The following MAGEB2 variants were observed in gnomAD, a reference collection of about 807,000 sequenced individuals.
The protein encoded by MAGEB2 is melanoma-associated antigen B2.
For missense variants in MAGEB2, 365 were observed against 243.2 expected (o/e 1.50, Z -3.33); for synonymous variants, 107 against 96.2 (o/e 1.11, Z -0.66).
rs767747644 is a variant in MAGEB2, at chrX:30,219,251, G to A, written c.671G>A (p.Trp224Ter). 24 of 1,209,530 alleles carry A rather than the reference G, an allele frequency of 2.0e-5. No homozygotes were observed. Among genetic ancestry groups the A allele is most frequent in the Non-Finnish European group, 2.7e-5 (24 of 895,040 alleles). ...AACTCAGCTACTGAGGAAGAGATCT[G>A]GGAATTCCTGAATATGTTGGGAGTC... The part of the protein sequence containing the change: ...NGNSATEEEI[W>*]EFLNMLGVYD... Residue 224 changes from tryptophan (W) to a stop codon, truncating the protein, a stop_gained, in exon 2 of 2, where the codon TGG becomes TAG. Coordinates refer to ENST00000378988, the MANE Select transcript of MAGEB2 (RefSeq NM_002364.5). LOFTEE classifies it low-confidence loss of function (END_TRUNC).
At position 30,219,694 on chromosome X, in the gene MAGEB2, A is replaced by G; in HGVS notation, c.*154A>G. ...TTAACCTTTGTTCTTGTTATGCATG[A>G]ATAACTTGTTGACTTTTTTTTTTTC... On this transcript the variant is annotated 3_prime_UTR_variant, in exon 2 of 2. Transcript: ENST00000378988. 2.3e-6 allele frequency: 1 copy of G among 425,753 alleles called. No individual in the cohort carries two copies. Among genetic ancestry groups the G allele is most frequent in the South Asian group, 9.0e-5 (1 of 11,091 alleles). 35.1% of individuals were successfully genotyped at this position (425,753 alleles called of 1,213,427 possible).
Position 30,219,647 on chromosome X carries a change from A to T in MAGEB2, c.*107A>T. ...CAATGAGGTCTTAGGCAGATTCTTT[A>T]CTTTGTAATTCAAAAGGCCTGTTAA... On this transcript the variant is annotated 3_prime_UTR_variant, in exon 2 of 2. Transcript: ENST00000378988. The T allele has an allele frequency of 2.8e-6, 2 of 720,373 alleles. No homozygotes were observed. The highest frequency in any genetic ancestry group is 4.0e-6 in the Non-Finnish European group (2 of 502,676). The allele number at this position is 720,373 out of a possible 1,213,427, so 59.4% of individuals were successfully genotyped here.
chrX:30,216,128 C>A (rs980211003), intron 1 of MAGEB2, among the ~76,000 whole-genome samples: 1 of 111,386 alleles, frequency 9.0e-6, no homozygotes, highest in African/African-American at 3.3e-5. Context: ...TATTAATGAG[C>A]GGACCTCTAC....
chrX:30,216,266 A>G (rs1413858012), intron 1 of MAGEB2, among the ~76,000 whole-genome samples: 2 of 111,903 alleles, frequency 1.8e-5, no homozygotes, highest in East Asian at 5.7e-4. Context: ...GTTGAGGGCT[A>G]CATCCAAGAC....
rs1054991223 is a variant in MAGEB2, at chrX:30,219,149, A to C, written c.569A>C (p.Glu190Ala). ...FIDKVDLTDEESLLSSWDFPR... is the reference protein window; with the variant it reads ...FIDKVDLTDEASLLSSWDFPR... The stretch of plus-strand genomic sequence containing the variant: ...GACAAGGTAGACCTCACTGATGAGG[A>C]ATCCCTGCTCAGTTCCTGGGACTTT... Residue 190 changes from glutamate to alanine, a missense_variant, in exon 2 of 2, where the codon GAA (glutamate) becomes GCA (alanine). Transcript: ENST00000378988. 20 of 1,208,831 alleles carry C rather than the reference A, an allele frequency of 1.7e-5. No individual in the cohort carries two copies. The highest frequency in any genetic ancestry group is 2.2e-5 in the Non-Finnish European group (20 of 894,660).
Position 30,219,115 on chromosome X carries a change from A to T in MAGEB2, c.535A>T (p.Thr179Ser). 2.5e-6 allele frequency: 3 copies of T among 1,209,868 alleles called. No individual in the cohort carries two copies. Among genetic ancestry groups the T allele is most frequent in the Non-Finnish European group, 3.4e-6 (3 of 894,598 alleles). Residue 179 changes from threonine to serine, a missense_variant, in exon 2 of 2, where the codon ACC becomes TCC. Transcript: ENST00000378988. ...NKVNPNGHTY[T>S]FIDKVDLTDE... ...AGTCAACCCCAACGGCCACACTTAC[A>T]CCTTCATCGACAAGGTAGACCTCAC...
At chrX:30,216,877 TC>T (rs1222667289) in intron 1 of MAGEB2, among the ~76,000 whole-genome samples, 1 of 62,546 alleles carries the variant, frequency 1.6e-5, no homozygotes, top group Non-Finnish European at 3.5e-5. Flanking sequence ...AGGGCGAGAC[TC>T]CGTCTCTTAA....
In MAGEB2 at chrX:30,219,470, G is replaced by A; in HGVS notation, c.890G>A (p.Gly297Asp). ...KVLEFLAKVN[G>D]TTPCAFPTHY... is the part of the protein sequence containing the mutation. Reference sequence around the variant, plus strand: ...CTGGAGTTTTTGGCCAAGGTAAATGGTACCACCCCCTGTGCCTTCCCAACC... The same window carrying A: ...CTGGAGTTTTTGGCCAAGGTAAATGATACCACCCCCTGTGCCTTCCCAACC... Residue 297 changes from glycine to aspartate, a missense_variant, in exon 2 of 2, where the codon GGT becomes GAT. Gly to Asp is a moderately conservative substitution (Grantham distance 94). Transcript: ENST00000378988. The A allele has an allele frequency of 8.3e-7, 1 of 1,211,248 alleles. No homozygotes were observed. The highest frequency in any genetic ancestry group is 1.1e-6 in the Non-Finnish European group (1 of 895,158).
chrX:30,219,438 G>C lies in MAGEB2; in HGVS notation c.858G>C (p.Met286Ile), dbSNP rs779986988. ...GAGCCTATGCTGAAACCAGCAAGAT[G>C]AAAGTCCTGGAGTTTTTGGCCAAGG... ...GPRAYAETSK[M>I]KVLEFLAKVN... The change falls in exon 2 of 2, where the codon ATG becomes ATC. Residue 286 changes from methionine (M) to isoleucine (I), a missense_variant. Coordinates refer to ENST00000378988, the MANE Select transcript of MAGEB2 (RefSeq NM_002364.5). 5 of 1,211,665 alleles carry C rather than the reference G, an allele frequency of 4.1e-6. No homozygotes were observed. The East Asian group carries it at 1.5e-4, about 36-fold the overall frequency.
intron 1 of MAGEB2, among the ~76,000 whole-genome samples, chrX:30,218,312 A>G (rs755960252): frequency 8.9e-6 from 1 of 111,809 alleles, no homozygotes; most frequent in African/African-American, 3.3e-5. Flanking sequence ...TAGTAAGCCC[A>G]AGGAAGGGCT....
At position 30,219,553 on chromosome X, in the gene MAGEB2, G is replaced by A. The variant is rs373793135; in HGVS notation, c.*13G>A. 8.5e-7 allele frequency: 1 copy of A among 1,179,737 alleles called. No individual in the cohort carries two copies. The highest frequency in any genetic ancestry group is 2.4e-4 in the Middle Eastern group (1 of 4,207). Reference sequence around the variant, plus strand: ...AGCCGGAGTCTGAGCCAGAGTTGTAGCCAGGCCTTGCACTACTGCCATAGC... The same window carrying A: ...AGCCGGAGTCTGAGCCAGAGTTGTAACCAGGCCTTGCACTACTGCCATAGC... On this transcript the variant is annotated 3_prime_UTR_variant, in exon 2 of 2. Coordinates refer to ENST00000378988, the MANE Select transcript of MAGEB2 (RefSeq NM_002364.5).
Position 30,219,870 on chromosome X carries a change from T to C in MAGEB2, c.*330T>C, listed in dbSNP as rs778053965. The C allele has an allele frequency of 1.3e-5, 2 of 159,158 alleles. No homozygotes were observed. Among genetic ancestry groups the C allele is most frequent in the Non-Finnish European group, 2.6e-5 (2 of 76,384 alleles). The allele number at this position is 159,158 out of a possible 1,213,427, so 13.1% of individuals were successfully genotyped here. Reference sequence around the variant, plus strand: ...CAACTTATTAATAAAAATCCTTAAATCACTTTTGTAATCCAGGACAAGAAA... The same window carrying C: ...CAACTTATTAATAAAAATCCTTAAACCACTTTTGTAATCCAGGACAAGAAA... On this transcript the variant is annotated 3_prime_UTR_variant, in exon 2 of 2. Transcript: ENST00000378988.
intron 1 of MAGEB2, 36 bp from the exon 2 acceptor site, chrX:30,218,540 A>G: frequency 8.5e-7 from 1 of 1,170,875 alleles, no homozygotes; most frequent in Middle Eastern, 2.6e-4. Flanking sequence ...TATACTAACC[A>G]TCTATTCTTC....
intron 1 of MAGEB2, among the ~76,000 whole-genome samples, chrX:30,216,816 C>T (rs1300031023): frequency 2.0e-5 from 2 of 100,768 alleles, no homozygotes; most frequent in East Asian, 3.1e-4. Context: ...ACCTGGGAGG[C>T]GGAGTTTGCA....
chrX:30,218,537 A>T, intron 1 of MAGEB2, 39 bp from the exon 2 acceptor site: 1 of 1,166,611 alleles, frequency 8.6e-7, no homozygotes, highest in Admixed American at 2.5e-5. Context: ...AGGTATACTA[A>T]CCATCTATTC....
At chrX:30,217,041 C>A (rs1924425930) in intron 1 of MAGEB2, among the ~76,000 whole-genome samples, 1 of 110,578 alleles carries the variant, frequency 9.0e-6, no homozygotes, top group African/African-American at 3.3e-5. Flanking sequence ...TCTGAGAGAC[C>A]CCAGGCAGAA....
At position 30,218,976 on chromosome X, in the gene MAGEB2, T is replaced by TA; in HGVS notation, c.397dup (p.Thr133AsnfsTer19). 1 of 1,210,252 alleles carries TA rather than the reference T, an allele frequency of 8.3e-7. No homozygotes were observed. The highest frequency in any genetic ancestry group is 1.1e-6 in the Non-Finnish European group (1 of 894,787). On this transcript the variant is annotated frameshift_variant, in exon 2 of 2. Transcript: ENST00000378988. LOFTEE classifies it low-confidence loss of function (END_TRUNC). ...ACAAGTATAAAATAAAAAAGTCCGT[T>TA]ACAAAGGGAGAAATGCTGAAAATTG...
chrX:30,215,769 A>G (rs1013585326), intron 1 of MAGEB2, 114 bp downstream of exon 1: 6 of 92,571 alleles, frequency 6.5e-5, no homozygotes, highest in Middle Eastern at 5.2e-3. Flanking sequence ...CCGTCCGGCA[A>G]TGTTCCACCT....
Position 30,219,352 on chromosome X carries a change from CTG to C in MAGEB2, c.773_774del (p.Leu258ArgfsTer9), listed in dbSNP as rs772060099. On this transcript the variant is annotated frameshift_variant, in exon 2 of 2. Coordinates refer to ENST00000378988, the MANE Select transcript of MAGEB2 (RefSeq NM_002364.5). LOFTEE classifies it low-confidence loss of function (END_TRUNC). ...ITKDLVQEKYLEYKQVPSSDP... is the reference protein window; with the variant it reads ...ITKDLVQEKYXEYKQVPSSDP... ...CAAAGATCTGGTGCAGGAAAAATAT[CTG>C]GAGTACAAGCAGGTGCCCAGCAGTG... 1.7e-6 allele frequency: 2 copies of C among 1,210,216 alleles called. No homozygotes were observed. Among genetic ancestry groups the C allele is most frequent in the Admixed American group, 2.2e-5 (1 of 45,823 alleles).
Sources: allele counts gnomAD v4.1 joint callset (sites outside exome capture counted in the v4.1 genomes callset), GRCh38; gene constraint gnomAD v4.1.1; transcripts MANE v1.5; gene names NCBI Gene and HGNC (gene_info 2026-07-23, HGNC 2026-07-21).